Variants in LRRC28 observed in about 807,000 individuals in gnomAD.
LRRC28 encodes leucine-rich repeat-containing protein 28.
Under a neutral mutation model 45.7 loss-of-function variants are expected in LRRC28, and 39 were observed. That is an observed-to-expected ratio of 0.85 (90% confidence interval 0.66 to 1.12). LRRC28 has a LOEUF of 1.12. Among genes scored for constraint, LRRC28 ranks in the 50% most tolerant of loss-of-function variants. The pLI, the probability that LRRC28 is intolerant of heterozygous loss-of-function variation, is 0.00. For synonymous variants in LRRC28, 206 were observed against 178.8 expected (o/e 1.15, Z -1.22); for missense variants, 435 against 438.5 (o/e 0.99, Z 0.07).
At chr15:99,280,884 T>G (rs2081768368) in intron 3 of LRRC28, among the ~76,000 whole-genome samples, 1 of 152,208 alleles carries the variant, frequency 6.6e-6, no homozygotes, top group South Asian at 2.1e-4. Flanking sequence ...CTAAGACTTT[T>G]CATTTCCTTT....
chr15:99,260,974 C>G (rs544359430), intron 2 of LRRC28, among the ~76,000 whole-genome samples: 22 of 152,044 alleles, frequency 1.4e-4, no homozygotes, highest in African/African-American at 5.3e-4. Context: ...TAAATGCCTT[C>G]TCTCAGCATT....
At chr15:99,258,365 C>G (rs968536183) in intron 2 of LRRC28, 9 of 1,242,738 alleles carry the variant, frequency 7.2e-6, no homozygotes, top group African/African-American at 3.0e-5. Flanking sequence ...GACCATTACC[C>G]TTGTCTTAAA....
chr15:99,275,128 A>C (rs1387653793), intron 2 of LRRC28, among the ~76,000 whole-genome samples: 1 of 152,206 alleles, frequency 6.6e-6, no homozygotes, highest in African/African-American at 2.4e-5. Flanking sequence ...TTATATGTAT[A>C]TATATGCCTA....
chr15:99,252,986 C>G (rs1212399098), intron 1 of LRRC28, among the ~76,000 whole-genome samples: 1 of 152,144 alleles, frequency 6.6e-6, no homozygotes, highest in Non-Finnish European at 1.5e-5. Context: ...TATTTACAGG[C>G]TTTTTGGCTT....
rs142825029 is a variant in LRRC28 at position 99,381,278 on chromosome 15, C to T, written c.1032-4752C>T. Among the ~76,000 whole-genome samples, 871 of 152,272 alleles carry T rather than the reference C, an allele frequency of 5.7e-3. 2 individuals are homozygous for T. Among genetic ancestry groups the T allele is most frequent in the Non-Finnish European group, 9.5e-3 (647 of 68,024 alleles). The stretch of plus-strand genomic sequence containing the variant: ...ACTTCTCTTCTCACTTCATTTCATT[C>T]ATTTGATCTTCAATCACTGATACCC... On this transcript the variant is annotated intron_variant, in intron 9 of 9. Transcript: ENST00000301981.
intron 5 of LRRC28, among the ~76,000 whole-genome samples, chr15:99,305,714 A>AT (rs1364846902): frequency 3.3e-5 from 5 of 152,096 alleles, no homozygotes; most frequent in Admixed American, 3.3e-4. Context: ...AATATTATGT[A>AT]TTTTTCCTTC....
At chr15:99,355,603 A>AT (rs1262324564) in intron 7 of LRRC28, 2 of 152,212 alleles carry the variant, frequency 1.3e-5, no homozygotes, top group Admixed American at 6.5e-5. Flanking sequence ...AATCTTCTAC[A>AT]TTGTAGCCAG....
intron 8 of LRRC28, 37 bp downstream of exon 8, chr15:99,361,548 C>G (rs765390319): frequency 6.5e-7 from 1 of 1,536,090 alleles, no homozygotes; most frequent in East Asian, 2.3e-5. Context: ...TTTTCTCTCT[C>G]ATTTAGTGAA....
At chr15:99,309,915 A>C (rs1955340548) in intron 5 of LRRC28, among the ~76,000 whole-genome samples, 1 of 152,232 alleles carries the variant, frequency 6.6e-6, no homozygotes, top group Non-Finnish European at 1.5e-5. Context: ...TAAAGCCTTT[A>C]AAAACCATTT....
chr15:99,300,973 A>T (rs2152243148), intron 5 of LRRC28, among the ~76,000 whole-genome samples: 1 of 152,336 alleles, frequency 6.6e-6, no homozygotes, highest in Non-Finnish European at 1.5e-5. Context: ...AATGTGAGAT[A>T]ATTTTTCTGT....
chr15:99,371,396 G>C (rs941903319), intron 9 of LRRC28, among the ~76,000 whole-genome samples: 1 of 152,168 alleles, frequency 6.6e-6, no homozygotes, highest in African/African-American at 2.4e-5. Flanking sequence ...TGATTGTTGT[G>C]CCTTGAGGTA....
At chr15:99,291,264 G>A (rs2082114758) in intron 5 of LRRC28, among the ~76,000 whole-genome samples, 1 of 152,104 alleles carries the variant, frequency 6.6e-6, no homozygotes, top group Admixed American at 6.5e-5. Flanking sequence ...ATTTGTGTTT[G>A]GTTTTGCTTG....
intron 5 of LRRC28, among the ~76,000 whole-genome samples, chr15:99,302,951 G>T (rs1955037157): frequency 1.3e-5 from 2 of 152,190 alleles, no homozygotes; most frequent in Non-Finnish European, 2.9e-5. Flanking sequence ...TAGGAATAAT[G>T]TTGCTATGAA....
At chr15:99,313,334 A>G (rs1458629058) in intron 5 of LRRC28, among the ~76,000 whole-genome samples, 1 of 152,062 alleles carries the variant, frequency 6.6e-6, no homozygotes, top group African/African-American at 2.4e-5. Context: ...GAAATAAACA[A>G]CGCAATTATG....
At chr15:99,348,676 C>A (rs1431926742) in intron 6 of LRRC28, among the ~76,000 whole-genome samples, 1 of 151,596 alleles carries the variant, frequency 6.6e-6, no homozygotes, top group Non-Finnish European at 1.5e-5. Context: ...AATTTTAAAT[C>A]AGGAAGTGAG....
chr15:99,331,270 A>G (rs1390681167), intron 5 of LRRC28, among the ~76,000 whole-genome samples: 2 of 152,218 alleles, frequency 1.3e-5, no homozygotes, highest in Non-Finnish European at 2.9e-5. Context: ...GTTTGCAGAT[A>G]ATGCAATTCA....
intron 3 of LRRC28, chr15:99,285,439 C>A: frequency 1.2e-6 from 1 of 801,712 alleles, no homozygotes; most frequent in Non-Finnish European, 2.2e-6. Context: ...GTTGGGATCT[C>A]CCATGACCAC....
intron 2 of LRRC28, chr15:99,258,615 T>C (rs1158449203): frequency 1.3e-6 from 1 of 756,688 alleles, no homozygotes; most frequent in Non-Finnish European, 2.4e-6. Flanking sequence ...TGTCTGTGAA[T>C]GGGAACTTAT....
At chr15:99,267,271 C>G (rs1349753554) in intron 2 of LRRC28, among the ~76,000 whole-genome samples, 1 of 152,100 alleles carries the variant, frequency 6.6e-6, no homozygotes, top group Non-Finnish European at 1.5e-5. Context: ...ATCCGCCACC[C>G]CCTCCTTGAA....
Sources: gnomAD v4.1 joint callset for allele counts (sites outside exome capture counted in the v4.1 genomes callset) on GRCh38, gnomAD v4.1.1 for gene constraint, MANE v1.5 for transcripts, NCBI Gene and HGNC (gene_info 2026-07-23, HGNC 2026-07-21) for gene names.